The following CNTNAP2 variants were observed in gnomAD, a reference collection of about 807,000 sequenced individuals.
The protein encoded by CNTNAP2 is contactin associated protein 2.
Under a neutral mutation model 155.2 loss-of-function variants are expected in CNTNAP2, and 98 were observed. That is an observed-to-expected ratio of 0.63 (90% CI 0.54 to 0.75). The LOEUF is 0.75. Ranked by LOEUF, CNTNAP2 falls within the 30% of genes least tolerant of loss-of-function variation. The pLI is 0.00. For missense variants in CNTNAP2, 1,727 were observed against 1,688.1 expected, an observed-to-expected ratio of 1.02 and a Z score of -0.40; for synonymous variants, 651 against 631.2, an observed-to-expected ratio of 1.03 and a Z score of -0.47.
chr7:147,041,351 G>A (rs1799255922), intron 3 of CNTNAP2, among the ~76,000 whole-genome samples: 1 of 152,050 alleles, frequency 6.6e-6, no homozygotes, highest in Admixed American at 6.6e-5. Context: ...CTTTTTGTGA[G>A]AGACATACAG....
At chr7:147,293,684 T>G (rs565401939) in intron 8 of CNTNAP2, among the ~76,000 whole-genome samples, 1 of 152,286 alleles carries the variant, frequency 6.6e-6, no homozygotes, top group African/African-American at 2.4e-5. Context: ...TCAACATTCA[T>G]TAAACCAGTC....
chr7:147,337,827 G>A (rs1037889347), intron 9 of CNTNAP2, among the ~76,000 whole-genome samples: 5 of 152,096 alleles, frequency 3.3e-5, no homozygotes, highest in Admixed American at 1.3e-4. Flanking sequence ...TATCCATTTT[G>A]AGCATTGGAA....
chr7:146,426,249 A>C (rs866135209), intron 1 of CNTNAP2, among the ~76,000 whole-genome samples: 2 of 150,232 alleles, frequency 1.3e-5, no homozygotes, highest in African/African-American at 4.9e-5. Flanking sequence ...TCATTATACA[A>C]GTACCCACTG....
chr7:148,295,183 G>T lies in CNTNAP2; in HGVS notation c.3475+28057G>T, dbSNP rs73466231. On this transcript the variant is annotated intron_variant, in intron 21 of 23. Transcript: ENST00000361727. Reference sequence around the variant, plus strand: ...TTAAACAAGTTATAAAATTTGTGATGATCCACTTATAAAAACAATGTAGGA... The same window carrying T: ...TTAAACAAGTTATAAAATTTGTGATTATCCACTTATAAAAACAATGTAGGA... Among the ~76,000 whole-genome samples, 368 of 152,212 alleles carry T rather than the reference G, an allele frequency of 2.4e-3. 1 individual carries two copies. Among genetic ancestry groups the T allele is most frequent in the African/African-American group, 8.6e-3 (359 of 41,550 alleles).
intron 5 of CNTNAP2, among the ~76,000 whole-genome samples, chr7:147,118,268 T>A (rs1037287545): frequency 6.6e-6 from 1 of 152,076 alleles, no homozygotes. Flanking sequence ...ACACTTGAAA[T>A]CTCTTACAAT....
chr7:148,161,640 C>T (rs187997942), intron 17 of CNTNAP2, among the ~76,000 whole-genome samples: 22 of 152,202 alleles, frequency 1.4e-4, no homozygotes, highest in African/African-American at 5.3e-4. Context: ...AGTGGTGTAT[C>T]TATACCACTA....
At chr7:147,567,882 T>C (rs1410339231) in intron 12 of CNTNAP2, among the ~76,000 whole-genome samples, 2 of 152,148 alleles carry the variant, frequency 1.3e-5, no homozygotes, top group Non-Finnish European at 2.9e-5. Flanking sequence ...GGTCAGGAGT[T>C]GGAGACCAGC....
At chr7:147,925,723 AGTGCT>A (rs1283338577) in intron 14 of CNTNAP2, among the ~76,000 whole-genome samples, 1 of 152,166 alleles carries the variant, frequency 6.6e-6, no homozygotes. Flanking sequence ...GGCCTCCCAA[AGTGCT>A]GGGATTACAG....
intron 3 of CNTNAP2, among the ~76,000 whole-genome samples, chr7:146,941,653 T>C (rs1333550908): frequency 6.6e-6 from 1 of 152,198 alleles, no homozygotes; most frequent in Non-Finnish European, 1.5e-5. Context: ...GAACCCTCTT[T>C]ATCATTTCTT....
intron 21 of CNTNAP2, 89 bp downstream of exon 21, chr7:148,267,215 C>A (rs1010171286): frequency 1.9e-5 from 22 of 1,151,902 alleles, no homozygotes; most frequent in Non-Finnish European, 2.5e-5. Flanking sequence ...AGGTAAATTT[C>A]TCTTACTGGG....
intron 3 of CNTNAP2, among the ~76,000 whole-genome samples, chr7:146,987,984 A>G (rs1798143687): frequency 6.6e-6 from 1 of 152,118 alleles, no homozygotes; most frequent in African/African-American, 2.4e-5. Context: ...TTTAATTCTT[A>G]TCCAAATTCC....
intron 3 of CNTNAP2, among the ~76,000 whole-genome samples, chr7:146,905,849 G>T (rs1346218347): frequency 6.6e-6 from 1 of 152,236 alleles, no homozygotes; most frequent in Non-Finnish European, 1.5e-5. Context: ...CGTGAGCGAT[G>T]CAGAAGATGG....
At chr7:146,317,019 C>T (rs1048984975) in intron 1 of CNTNAP2, among the ~76,000 whole-genome samples, 3 of 152,144 alleles carry the variant, frequency 2.0e-5, no homozygotes, top group Non-Finnish European at 2.9e-5. Context: ...TGTTATGTAC[C>T]GCATACCATG....
chr7:146,396,071 C>T (rs73453175), intron 1 of CNTNAP2, among the ~76,000 whole-genome samples: 1,955 of 152,146 alleles, frequency 0.013, 51 homozygotes, highest in African/African-American at 0.045. Flanking sequence ...CATACTTTTT[C>T]CCCTTCATCC....
intron 8 of CNTNAP2, among the ~76,000 whole-genome samples, chr7:147,167,743 G>T (rs918996339): frequency 6.6e-6 from 1 of 152,096 alleles, no homozygotes; most frequent in Non-Finnish European, 1.5e-5. Flanking sequence ...AGTGAATGTG[G>T]CAGTTTGAAA....
intron 1 of CNTNAP2, among the ~76,000 whole-genome samples, chr7:146,703,178 G>A (rs1800905983): frequency 6.6e-6 from 1 of 152,140 alleles, no homozygotes; most frequent in African/African-American, 2.4e-5. Context: ...AGGAGCTTTG[G>A]TAACACTATT....
intron 12 of CNTNAP2, among the ~76,000 whole-genome samples, chr7:147,588,397 A>G (rs1584834757): frequency 6.6e-6 from 1 of 152,156 alleles, no homozygotes; most frequent in East Asian, 1.9e-4. Flanking sequence ...CTACTTTATG[A>G]GGAGACAGTT....
intron 1 of CNTNAP2, among the ~76,000 whole-genome samples, chr7:146,748,143 C>CTTTTCTTTTTTTTTTTTTTTT (rs60181692): frequency 1.0e-5 from 1 of 98,004 alleles, no homozygotes; most frequent in Non-Finnish European, 2.0e-5. Flanking sequence ...CTTTTCTTTT[C>CTTTTCTTTTTTTTTTTTTTTT]TTTTTTTTTT....
chr7:147,761,924 G>GA (rs915122015), intron 13 of CNTNAP2, among the ~76,000 whole-genome samples: 6 of 151,464 alleles, frequency 4.0e-5, no homozygotes, highest in South Asian at 2.1e-4. Flanking sequence ...TATGGCATAT[G>GA]AAAAAAAATA....
Sources: gnomAD v4.1 joint callset for allele counts (sites outside exome capture counted in the v4.1 genomes callset) on GRCh38, gnomAD v4.1.1 for gene constraint, MANE v1.5 for transcripts, NCBI Gene and HGNC (gene_info 2026-07-23, HGNC 2026-07-21) for gene names.